Variants in NEMP2 observed in about 807,000 individuals in gnomAD.
The protein encoded by NEMP2 is nuclear envelope integral membrane protein 2, also known as UPF0571 transmembrane protein.
NEMP2 carries 53 observed loss-of-function variants against 54.2 expected under a neutral mutation model. The observed-to-expected ratio is 0.98, with a 90% confidence interval of 0.78 to 1.23. The LOEUF is 1.23. Ranked by LOEUF, NEMP2 falls within the 50% of genes most tolerant of loss-of-function variation. The probability of loss-of-function intolerance (pLI) is 0.00; values close to 1 mark genes in which losing one functional copy is unlikely to be tolerated. For synonymous variants in NEMP2, 197 were observed against 190.3 expected, an observed-to-expected ratio of 1.04 and a Z score of -0.29; for missense variants, 455 against 511.3, an observed-to-expected ratio of 0.89 and a Z score of 1.06.
chr2:190,516,379 G>A lies in NEMP2; in HGVS notation c.618C>T (p.Ser206=). The change falls in exon 6 of 9, where the codon AGC becomes AGT. Residue 206 remains serine (S), a synonymous_variant. Coordinates refer to ENST00000409150, the MANE Select transcript of NEMP2 (RefSeq NM_001142645.2). ...AACCAACCATTAGAGCCCAAAAGGT[G>A]CTATACTGTGTGTGGAAGAAAATAA... ...LLVKRFIPKY[S]TFWALMVGCW... 2 of 1,544,126 alleles carry A rather than the reference G, an allele frequency of 1.3e-6. No individual in the cohort carries two copies. The highest frequency in any genetic ancestry group is 8.7e-7 in the Non-Finnish European group (1 of 1,144,590).
chr2:190,488,123 A>G, the NEMP2 span, among the ~76,000 whole-genome samples: 1 of 152,068 alleles, frequency 6.6e-6, no homozygotes, highest in African/African-American at 2.4e-5. The surrounding 1 kb of genome is among the most constrained non-coding windows in gnomAD (Gnocchi z 6.4). Flanking sequence ...GGATGGTCTC[A>G]ATCTCCTGAC....
chr2:190,519,132 G>A lies in NEMP2; in HGVS notation c.265C>T (p.His89Tyr). 6.4e-7 allele frequency: 1 copy of A among 1,550,792 alleles called. No individual in the cohort carries two copies. Among genetic ancestry groups the A allele is most frequent in the Non-Finnish European group, 8.7e-7 (1 of 1,146,960 alleles). ...LFRIVYIAERHNCQYPENILS... is the reference protein window; with the variant it reads ...LFRIVYIAERYNCQYPENILS... The stretch of plus-strand genomic sequence containing the variant: ...ATGTTTTCTGGATATTGGCAATTAT[G>A]TCTTTCTGCGATATATACAATTCTG... The change falls in exon 3 of 9, where the codon CAT (histidine) becomes TAT (tyrosine). Residue 89 changes from histidine to tyrosine, a missense_variant. This residue lies in a region of NEMP2 where 61 missense variants were observed against 97.5 expected (regional missense o/e 0.63). Coordinates refer to ENST00000409150, the MANE Select transcript of NEMP2 (RefSeq NM_001142645.2). This position sits in a 1 kb window ranked among gnomAD's most constrained non-coding sequence, Gnocchi z 5.4.
chr2:190,552,977 A>G, the NEMP2 span, among the ~76,000 whole-genome samples: 1 of 152,202 alleles, frequency 6.6e-6, no homozygotes, highest in Admixed American at 6.5e-5. Context: ...CCAAGTATTA[A>G]TGGAAACCAA....
the NEMP2 span, chr2:190,648,507 C>A: frequency 2.2e-5 from 3 of 134,688 alleles, no homozygotes; most frequent in African/African-American, 8.3e-5. Context: ...GGGAGCCCGG[C>A]GCGCTGTTGT....
chr2:190,553,453 ACAGGTGCTG>A, the NEMP2 span: 1 of 152,258 alleles, frequency 6.6e-6, no homozygotes, highest in Non-Finnish European at 1.5e-5. Context: ...CCACAGGGTG[ACAGGTGCTG>A]CAGGCAGATC....
At chr2:190,605,017 C>T in the NEMP2 span, among the ~76,000 whole-genome samples, 1 of 152,158 alleles carries the variant, frequency 6.6e-6, no homozygotes, top group African/African-American at 2.4e-5. Flanking sequence ...CCAAGTCCTA[C>T]AGATTATTTC....
chr2:190,552,308 G>A, the NEMP2 span, among the ~76,000 whole-genome samples: 1 of 152,138 alleles, frequency 6.6e-6, no homozygotes, highest in Non-Finnish European at 1.5e-5. Context: ...CTGGTAACTA[G>A]TCATTATAAA....
At chr2:190,545,335 A>G in the NEMP2 span, among the ~76,000 whole-genome samples, 14 of 152,244 alleles carry the variant, frequency 9.2e-5, no homozygotes, top group South Asian at 1.7e-3. Flanking sequence ...TCAATCAGCC[A>G]TTCTCTACTA....
chr2:190,605,925 A>T, the NEMP2 span, among the ~76,000 whole-genome samples: 1 of 152,192 alleles, frequency 6.6e-6, no homozygotes, highest in Non-Finnish European at 1.5e-5. Flanking sequence ...CTAAAGTGAG[A>T]ACTCCTTATG....
At position 190,531,749 on chromosome 2, in the gene NEMP2, T is replaced by C. The variant is rs1691152473; in HGVS notation, c.97+2810A>G. ...TCCTTTGTAGTACTTTTGTCATTTATTAGTTTTCCTAAATGTAAGTATATG... is the reference window on the plus strand; with the variant it reads ...TCCTTTGTAGTACTTTTGTCATTTACTAGTTTTCCTAAATGTAAGTATATG... On this transcript the variant is annotated intron_variant, in intron 1 of 8. Coordinates refer to ENST00000409150, the MANE Select transcript of NEMP2 (RefSeq NM_001142645.2). The surrounding 1 kb of genome is among the most constrained non-coding windows in gnomAD (Gnocchi z 4.7). Among the ~76,000 whole-genome samples the C allele has an allele frequency of 6.6e-6, 1 of 152,212 alleles. No homozygotes were observed. Among genetic ancestry groups the C allele is most frequent in the Non-Finnish European group, 1.5e-5 (1 of 68,042 alleles).
At chr2:190,565,366 A>G in the NEMP2 span, among the ~76,000 whole-genome samples, 3 of 152,236 alleles carry the variant, frequency 2.0e-5, no homozygotes, top group African/African-American at 4.8e-5. Flanking sequence ...CAATGTTTCT[A>G]AATTGTGGGT....
chr2:190,425,166 A>G, the NEMP2 span, among the ~76,000 whole-genome samples: 3 of 152,204 alleles, frequency 2.0e-5, no homozygotes, highest in South Asian at 6.2e-4. The surrounding 1 kb of genome is among the most constrained non-coding windows in gnomAD (Gnocchi z 4.3). Context: ...ATACAGAAAT[A>G]CAATTAATTA....
rs1690786411 is a variant in NEMP2 at position 190,522,495 on chromosome 2, C to T, written c.213+2768G>A. On this transcript the variant is annotated intron_variant, in intron 2 of 8. Transcript: ENST00000409150. This position sits in a 1 kb window ranked among gnomAD's most constrained non-coding sequence, Gnocchi z 5.0. Reference sequence around the variant, plus strand: ...AACCAAAAATAAAATTCTAACACCCCCGACCCCGCCAACTATCTGAATGAA... The same window carrying T: ...AACCAAAAATAAAATTCTAACACCCTCGACCCCGCCAACTATCTGAATGAA... Among the ~76,000 whole-genome samples, 1 of 151,972 alleles carries T rather than the reference C, an allele frequency of 6.6e-6. No individual in the cohort carries two copies. The highest frequency in any genetic ancestry group is 2.4e-5 in the African/African-American group (1 of 41,354).
Position 190,521,601 on chromosome 2 carries a change from C to G in NEMP2, c.214-2418G>C, listed in dbSNP as rs929575751. On this transcript the variant is annotated intron_variant, in intron 2 of 8. Coordinates refer to ENST00000409150, the MANE Select transcript of NEMP2 (RefSeq NM_001142645.2). The surrounding 1 kb of genome is among the most constrained non-coding windows in gnomAD (Gnocchi z 6.2). ...GTTGCAATAAAATTCCTTTAAAAAG[C>G]TGCCTGTGCCTGCAGTCTCTAGTTC... Among the ~76,000 whole-genome samples, 4 of 152,178 alleles carry G rather than the reference C, an allele frequency of 2.6e-5. No individual in the cohort carries two copies. Among genetic ancestry groups the G allele is most frequent in the African/African-American group, 7.2e-5 (3 of 41,438 alleles).
chr2:190,640,562 A>G, the NEMP2 span, among the ~76,000 whole-genome samples: 2 of 152,358 alleles, frequency 1.3e-5, no homozygotes, highest in East Asian at 1.9e-4. Context: ...GTCATGATGT[A>G]TAAGTCCAGG....
chr2:190,428,934 A>C, the NEMP2 span, among the ~76,000 whole-genome samples: 2 of 152,088 alleles, frequency 1.3e-5, no homozygotes, highest in Non-Finnish European at 2.9e-5. Flanking sequence ...CGGCCTCTCA[A>C]AGTGCTGGGA....
At chr2:190,616,662 C>G in the NEMP2 span, among the ~76,000 whole-genome samples, 413 of 152,318 alleles carry the variant, frequency 2.7e-3, 18 homozygotes, top group East Asian at 0.073. This position sits in a 1 kb window ranked among gnomAD's most constrained non-coding sequence, Gnocchi z 5.1. Flanking sequence ...TTGGATCCCT[C>G]TCTTCCCTTG....
the NEMP2 span, among the ~76,000 whole-genome samples, chr2:190,621,143 A>T: frequency 6.6e-6 from 1 of 152,258 alleles, no homozygotes; most frequent in Non-Finnish European, 1.5e-5. Flanking sequence ...TAATGATGGG[A>T]TTATATTCTG....
At chr2:190,619,541 A>C in the NEMP2 span, among the ~76,000 whole-genome samples, 3 of 152,016 alleles carry the variant, frequency 2.0e-5, no homozygotes, top group East Asian at 5.8e-4. This position sits in a 1 kb window ranked among gnomAD's most constrained non-coding sequence, Gnocchi z 5.5. Context: ...ATAGCAACCC[A>C]TTTGTTACTT....
Sources: allele counts gnomAD v4.1 joint callset (sites outside exome capture counted in the v4.1 genomes callset), GRCh38; gene constraint gnomAD v4.1.1; regional missense constraint gnomAD v4.1.1; non-coding constraint Gnocchi (gnomAD v3.1); transcripts MANE v1.5; gene names NCBI Gene and HGNC (gene_info 2026-07-23, HGNC 2026-07-21).